Variants in RAB38 observed in about 807,000 individuals in gnomAD.
RAB38 encodes the protein ras-related protein Rab-38.
RAB38 carries 15 observed loss-of-function variants against 18.4 expected under a neutral mutation model. The observed-to-expected ratio is 0.82, with a 90% CI of 0.55 to 1.26. The LOEUF (loss-of-function observed/expected upper bound fraction) is 1.26. Ranked by LOEUF, RAB38 falls within the 50% of genes most tolerant of loss-of-function variation. The pLI is 0.00. For synonymous variants in RAB38, 101 were observed against 104.4 expected (o/e 0.97, Z 0.20); for missense variants, 294 against 267.4 (o/e 1.10, Z -0.69).
the RAB38 span, among the ~76,000 whole-genome samples, chr11:87,829,616 C>G: frequency 1.3e-5 from 2 of 152,130 alleles, no homozygotes; most frequent in African/African-American, 2.4e-5. Context: ...GATCCAATCA[C>G]CTCAACACCT....
At chr11:87,906,973 C>A in the RAB38 span, among the ~76,000 whole-genome samples, 2 of 151,750 alleles carry the variant, frequency 1.3e-5, no homozygotes, top group East Asian at 3.9e-4. Context: ...TATTTATTGA[C>A]AGTATTAAGA....
the RAB38 span, among the ~76,000 whole-genome samples, chr11:87,808,463 A>T: frequency 6.6e-6 from 1 of 152,206 alleles, no homozygotes; most frequent in African/African-American, 2.4e-5. Context: ...ATACCTCATG[A>T]TCTCACTCAT....
chr11:88,004,186 T>C, the RAB38 span, among the ~76,000 whole-genome samples: 2 of 149,534 alleles, frequency 1.3e-5, no homozygotes, highest in African/African-American at 4.9e-5. Context: ...ACATCCTTCA[T>C]GAATACAGAT....
At chr11:88,080,546 C>T in the RAB38 span, among the ~76,000 whole-genome samples, 1 of 151,436 alleles carries the variant, frequency 6.6e-6, no homozygotes, top group Non-Finnish European at 1.5e-5. Context: ...CAAACAGATT[C>T]TAACATTTAA....
At chr11:87,839,229 T>C in the RAB38 span, among the ~76,000 whole-genome samples, 44 of 152,362 alleles carry the variant, frequency 2.9e-4, no homozygotes, top group African/African-American at 9.9e-4. Flanking sequence ...TCTTGTGTTC[T>C]TTGATCAGGG....
At chr11:88,091,588 G>T in the RAB38 span, among the ~76,000 whole-genome samples, 2 of 151,960 alleles carry the variant, frequency 1.3e-5, no homozygotes, top group Non-Finnish European at 2.9e-5. Context: ...GTTTCTCACT[G>T]TCTCTCATTG....
chr11:87,856,198 A>G, the RAB38 span, among the ~76,000 whole-genome samples: 1 of 152,188 alleles, frequency 6.6e-6, no homozygotes, highest in Admixed American at 6.5e-5. Flanking sequence ...ATTTGGAGCA[A>G]TGAACTGCAT....
At chr11:88,162,314 A>G (rs116972810) in intron 1 of RAB38, among the ~76,000 whole-genome samples, 1 of 152,256 alleles carries the variant, frequency 6.6e-6, no homozygotes, top group East Asian at 1.9e-4. Flanking sequence ...TACCTGGTAC[A>G]ATCTTCCCCT....
At chr11:87,846,457 A>T in the RAB38 span, among the ~76,000 whole-genome samples, 1 of 152,126 alleles carries the variant, frequency 6.6e-6, no homozygotes, top group South Asian at 2.1e-4. Flanking sequence ...CTATGCTAAT[A>T]TCACAGAAAA....
At chr11:88,030,296 A>G in the RAB38 span, among the ~76,000 whole-genome samples, 1 of 152,144 alleles carries the variant, frequency 6.6e-6, no homozygotes, top group African/African-American at 2.4e-5. Flanking sequence ...AAAATTGTCA[A>G]CCTAACATCA....
chr11:87,951,282 T>A, the RAB38 span, among the ~76,000 whole-genome samples: 23,216 of 152,058 alleles, frequency 0.15, 1,984 homozygotes, highest in South Asian at 0.34. Flanking sequence ...TTCTAGTTGT[T>A]ATCCATTCTT....
chr11:87,925,805 T>C, the RAB38 span, among the ~76,000 whole-genome samples: 880 of 152,128 alleles, frequency 5.8e-3, 7 homozygotes, highest in Non-Finnish European at 8.8e-3. Flanking sequence ...GGTAATGTGC[T>C]TCTTATAAGT....
At chr11:88,164,536 G>A (rs56067055) in intron 1 of RAB38, among the ~76,000 whole-genome samples, 22,651 of 152,078 alleles carry the variant, frequency 0.15, 2,103 homozygotes, top group African/African-American at 0.25. Flanking sequence ...TCAAAGGTTT[G>A]AGAGGGTGTT....
At chr11:88,027,666 G>A in the RAB38 span, among the ~76,000 whole-genome samples, 1 of 131,526 alleles carries the variant, frequency 7.6e-6, no homozygotes, top group African/African-American at 3.3e-5. Flanking sequence ...AGCGAGGCTG[G>A]GGGAGGGGCG....
chr11:87,855,995 T>G, the RAB38 span, among the ~76,000 whole-genome samples: 1 of 152,198 alleles, frequency 6.6e-6, no homozygotes, highest in South Asian at 2.1e-4. Context: ...TTTTTTAAAC[T>G]AATGGATTTC....
At chr11:87,927,605 TCTAGTATAAC>T in the RAB38 span, among the ~76,000 whole-genome samples, 1 of 152,012 alleles carries the variant, frequency 6.6e-6, no homozygotes, top group Admixed American at 6.6e-5. Flanking sequence ...TTTCTTAATT[TCTAGTATAAC>T]CTAGTATACT....
chr11:88,092,326 C>G, the RAB38 span, among the ~76,000 whole-genome samples: 1 of 8,140 alleles, frequency 1.2e-4, no homozygotes, highest in Non-Finnish European at 1.8e-4. Context: ...AAGAGGGAGG[C>G]AGAGAGAGAG....
chr11:87,952,944 CATGTTTTA>C, the RAB38 span, among the ~76,000 whole-genome samples: 1 of 151,454 alleles, frequency 6.6e-6, no homozygotes, highest in Non-Finnish European at 1.5e-5. Context: ...AAGTATTTTT[CATGTTTTA>C]AATGTTTTTA....
the RAB38 span, among the ~76,000 whole-genome samples, chr11:87,954,341 C>G: frequency 2.6e-5 from 4 of 152,154 alleles, no homozygotes; most frequent in Admixed American, 2.6e-4. Flanking sequence ...AATTCCCCAT[C>G]TCCTCTCTGT....
Sources: gnomAD v4.1 joint callset for allele counts (sites outside exome capture counted in the v4.1 genomes callset) on GRCh38, gnomAD v4.1.1 for gene constraint, MANE v1.5 for transcripts, NCBI Gene and HGNC (gene_info 2026-07-23, HGNC 2026-07-21) for gene names.